RNLS: variants seen among roughly 807,000 people sequenced by gnomAD.
RNLS encodes renalase, FAD dependent amine oxidase.
Under a neutral mutation model 39.8 loss-of-function variants are expected in RNLS, and 39 were observed. That is an observed-to-expected ratio of 0.98 (90% CI 0.76 to 1.28). RNLS has a LOEUF of 1.28. Among genes scored for constraint, RNLS ranks in the 50% most tolerant of loss-of-function variants. The probability of loss-of-function intolerance (pLI) is 0.00; values close to 1 mark genes in which losing one functional copy is unlikely to be tolerated. For synonymous variants in RNLS, 147 were observed against 150.7 expected (o/e 0.98, Z 0.18); for missense variants, 410 against 413.3 (o/e 0.99, Z 0.07).
intron 4 of RNLS, among the ~76,000 whole-genome samples, chr10:88,431,258 AAG>A (rs1171441015): frequency 6.6e-6 from 1 of 151,656 alleles, no homozygotes; most frequent in Non-Finnish European, 1.5e-5. Flanking sequence ...TTATAGGCAT[AAG>A]CTGTTCACAA....
chr10:88,253,728 C>T, the RNLS span, among the ~76,000 whole-genome samples: 1 of 152,200 alleles, frequency 6.6e-6, no homozygotes, highest in East Asian at 1.9e-4. Context: ...AAGACAGGGT[C>T]TTAGTATCCA....
chr10:88,301,228 C>T (rs981116859), intron 6 of RNLS, among the ~76,000 whole-genome samples: 1 of 152,062 alleles, frequency 6.6e-6, no homozygotes, highest in Non-Finnish European at 1.5e-5. Context: ...AAATACCTGC[C>T]TATATAAACT....
intron 5 of RNLS, among the ~76,000 whole-genome samples, chr10:88,360,305 C>T (rs1354357529): frequency 6.6e-6 from 1 of 152,206 alleles, no homozygotes; most frequent in Admixed American, 6.5e-5. Flanking sequence ...ATAGGCTTAT[C>T]ACATTGCTTC....
In RNLS at chr10:88,432,083, ACTT is replaced by A. The variant is rs559977958; in HGVS notation, c.527-69361_527-69359del. Among the ~76,000 whole-genome samples the A allele has an allele frequency of 7.8e-4, 118 of 151,776 alleles. 1 individual carries two copies. In the South Asian group the frequency reaches 8.5e-3, roughly 11 times the overall value. On this transcript the variant is annotated intron_variant, in intron 4 of 6. Transcript: ENST00000331772. ...CTAGCAATTATTGTGGATTTTGTCT[ACTT>A]CTTCTTATGGCTTTATCATTTTTTT...
intron 4 of RNLS, among the ~76,000 whole-genome samples, chr10:88,381,012 C>T (rs964070461): frequency 2.6e-5 from 4 of 152,164 alleles, no homozygotes; most frequent in Non-Finnish European, 5.9e-5. Flanking sequence ...ATCATTACTA[C>T]AAAAGTGCCA....
At chr10:88,242,102 A>G in the RNLS span, among the ~76,000 whole-genome samples, 2 of 152,054 alleles carry the variant, frequency 1.3e-5, no homozygotes, top group Non-Finnish European at 2.9e-5. Flanking sequence ...TCTTATCCCC[A>G]TATCTTTCCT....
chr10:88,172,100 A>G, the RNLS span, among the ~76,000 whole-genome samples: 2 of 152,174 alleles, frequency 1.3e-5, no homozygotes, highest in East Asian at 3.8e-4. Context: ...TCGATTCCAT[A>G]TCTTGGCTAC....
At chr10:88,468,004 T>C (rs1843308857) in intron 4 of RNLS, among the ~76,000 whole-genome samples, 1 of 152,128 alleles carries the variant, frequency 6.6e-6, no homozygotes, top group Non-Finnish European at 1.5e-5. Flanking sequence ...AATTCCAAAA[T>C]ACCCACTGAA....
intron 6 of RNLS, among the ~76,000 whole-genome samples, chr10:88,292,624 A>G (rs1843751196): frequency 6.6e-6 from 1 of 151,382 alleles, no homozygotes; most frequent in African/African-American, 2.4e-5. Context: ...TAATTTTACC[A>G]CTTTCTTATG....
intron 4 of RNLS, among the ~76,000 whole-genome samples, chr10:88,376,820 A>G (rs571121619): frequency 5.9e-4 from 90 of 152,264 alleles, no homozygotes; most frequent in Non-Finnish European, 1.2e-3. Flanking sequence ...AAAATCATAC[A>G]TTCACATTCA....
chr10:88,268,543 A>G, the RNLS span, among the ~76,000 whole-genome samples: 1 of 152,216 alleles, frequency 6.6e-6, no homozygotes, highest in Non-Finnish European at 1.5e-5. Flanking sequence ...GACAGTTTCA[A>G]AAATGAATCA....
the RNLS span, among the ~76,000 whole-genome samples, chr10:88,237,564 C>T: frequency 2.5e-4 from 38 of 151,942 alleles, no homozygotes; most frequent in Middle Eastern, 3.2e-3. Flanking sequence ...ATATATTATT[C>T]CCTCTTAAAT....
downstream of RNLS, among the ~76,000 whole-genome samples, chr10:88,270,957 G>T (rs1249884835): frequency 6.6e-6 from 1 of 152,176 alleles, no homozygotes; most frequent in African/African-American, 2.4e-5. Context: ...GGCTGAGGTG[G>T]CTTCCACACT....
chr10:88,340,108 G>C (rs1847825617), intron 5 of RNLS, among the ~76,000 whole-genome samples: 1 of 152,166 alleles, frequency 6.6e-6, no homozygotes, highest in Non-Finnish European at 1.5e-5. Context: ...CAATAATTCA[G>C]ACCTTTACAG....
intron 4 of RNLS, among the ~76,000 whole-genome samples, chr10:88,425,114 T>G (rs971718105): frequency 6.6e-6 from 1 of 152,130 alleles, no homozygotes; most frequent in African/African-American, 2.4e-5. Flanking sequence ...AGCATGTTAC[T>G]GAAAGTTTTG....
At chr10:88,192,094 A>G in the RNLS span, among the ~76,000 whole-genome samples, 2 of 152,038 alleles carry the variant, frequency 1.3e-5, no homozygotes, top group African/African-American at 4.8e-5. Context: ...TCAACAAAAG[A>G]GACAGATTAT....
At chr10:88,535,561 C>T (rs1847705394) in intron 4 of RNLS, among the ~76,000 whole-genome samples, 1 of 151,716 alleles carries the variant, frequency 6.6e-6, no homozygotes, top group Non-Finnish European at 1.5e-5. Context: ...AACAAACCTG[C>T]ACATCCTGCA....
intron 4 of RNLS, among the ~76,000 whole-genome samples, chr10:88,506,552 A>G (rs932751109): frequency 6.6e-6 from 1 of 151,730 alleles, no homozygotes; most frequent in Admixed American, 6.6e-5. Flanking sequence ...AAAATTAAAA[A>G]ATAAATAAGA....
chr10:88,312,948 C>T lies in RNLS; in HGVS notation c.876+1518G>A, dbSNP rs867649023. Among the ~76,000 whole-genome samples the T allele has an allele frequency of 2.1e-4, 32 of 152,244 alleles. No homozygotes were observed. The Middle Eastern group carries it at 0.014, about 65-fold the overall frequency. The stretch of plus-strand genomic sequence containing the variant: ...TATGAATAGTGGAATATGCAAACTT[C>T]TAAGTCTGGATGATAACTTACTCCC... On this transcript the variant is annotated intron_variant, in intron 6 of 6. Transcript: ENST00000331772.
Sources: allele counts gnomAD v4.1 joint callset (sites outside exome capture counted in the v4.1 genomes callset), GRCh38; gene constraint gnomAD v4.1.1; transcripts MANE v1.5; gene names NCBI Gene and HGNC (gene_info 2026-07-23, HGNC 2026-07-21).